FHIT: variants seen among roughly 807,000 people sequenced by gnomAD.
The protein encoded by FHIT is bis(5'-adenosyl)-triphosphatase.
In FHIT, 19 loss-of-function variants were observed where a neutral mutation model predicts 17.9. The ratio of observed to expected loss-of-function variants is 1.06; its 90% CI spans 0.74 to 1.56. FHIT has a LOEUF of 1.56. FHIT is among the 40% of genes most tolerant of loss of function. The pLI is 0.00. For missense variants in FHIT, 248 were observed against 189.2 expected, an observed-to-expected ratio of 1.31 and a Z score of -1.82; for synonymous variants, 81 against 69.7, an observed-to-expected ratio of 1.16 and a Z score of -0.81.
chr3:60,601,381 G>A (rs1553668722), intron 4 of FHIT, among the ~76,000 whole-genome samples: 1 of 152,146 alleles, frequency 6.6e-6, no homozygotes, highest in Non-Finnish European at 1.5e-5. Flanking sequence ...GAGGCCCACA[G>A]ATTCCCCCTG....
At chr3:60,573,075 T>C (rs989594012) in intron 4 of FHIT, among the ~76,000 whole-genome samples, 1 of 152,162 alleles carries the variant, frequency 6.6e-6, no homozygotes, top group African/African-American at 2.4e-5. Context: ...ACCCAGGTCT[T>C]CCCAAGGCCA....
chr3:60,361,668 C>T (rs1406242972), intron 5 of FHIT, among the ~76,000 whole-genome samples: 1 of 152,136 alleles, frequency 6.6e-6, no homozygotes, highest in East Asian at 1.9e-4. Context: ...AAAAGCAATA[C>T]AATATTTCAG....
intron 5 of FHIT, among the ~76,000 whole-genome samples, chr3:60,142,298 T>C (rs549222826): frequency 6.6e-6 from 1 of 152,200 alleles, no homozygotes; most frequent in East Asian, 1.9e-4. Flanking sequence ...GGGAACTGAA[T>C]TGGGTACTGC....
intron 8 of FHIT, among the ~76,000 whole-genome samples, chr3:59,762,363 C>T (rs746187053): frequency 1.3e-5 from 2 of 152,140 alleles, no homozygotes; most frequent in African/African-American, 2.4e-5. Context: ...TGGTCAAATA[C>T]GTCACTAAAT....
chr3:60,363,338 T>C (rs1161862622), intron 5 of FHIT, among the ~76,000 whole-genome samples: 1 of 152,154 alleles, frequency 6.6e-6, no homozygotes, highest in African/African-American at 2.4e-5. Context: ...TTTGTGAATC[T>C]CTGTAGCAAC....
At chr3:61,171,601 C>T (rs546316133) in intron 2 of FHIT, among the ~76,000 whole-genome samples, 4 of 152,154 alleles carry the variant, frequency 2.6e-5, no homozygotes, top group Non-Finnish European at 5.9e-5. Flanking sequence ...AAGCAAAAGA[C>T]ACCACTATTG....
chr3:60,748,638 C>A (rs1221454033), intron 4 of FHIT, among the ~76,000 whole-genome samples: 1 of 152,116 alleles, frequency 6.6e-6, no homozygotes, highest in Admixed American at 6.6e-5. Context: ...ACAGGGAAAG[C>A]ACATCTCTAC....
At chr3:60,935,343 A>ATTCCACTC (rs1708143216) in intron 3 of FHIT, among the ~76,000 whole-genome samples, 1 of 152,240 alleles carries the variant, frequency 6.6e-6, no homozygotes. Flanking sequence ...AACAGACACA[A>ATTCCACTC]TTCCACTCTC....
chr3:60,149,776 C>T lies in FHIT; in HGVS notation c.104-135624G>A, dbSNP rs116529296. Among the ~76,000 whole-genome samples, 724 of 147,784 alleles carry T rather than the reference C, an allele frequency of 4.9e-3. 4 individuals carry two copies. Among genetic ancestry groups the T allele is most frequent in the African/African-American group, 0.018 (703 of 40,024 alleles). ...AAGAGGCACATCTTACTCCCCTATGCCCCTACCCCCCTACCCCCCTACCCA... is the reference window on the plus strand; with the variant it reads ...AAGAGGCACATCTTACTCCCCTATGTCCCTACCCCCCTACCCCCCTACCCA... On this transcript the variant is annotated intron_variant, in intron 5 of 9. Transcript: ENST00000492590.
At chr3:59,764,165 C>T (rs1471353241) in intron 8 of FHIT, among the ~76,000 whole-genome samples, 1 of 152,116 alleles carries the variant, frequency 6.6e-6, no homozygotes, top group East Asian at 1.9e-4. Context: ...AATGAACTTT[C>T]CCCAGAAAAG....
chr3:60,859,576 T>G (rs1703534936), intron 3 of FHIT, among the ~76,000 whole-genome samples: 1 of 151,922 alleles, frequency 6.6e-6, no homozygotes, highest in African/African-American at 2.4e-5. Context: ...TAGACTCTAC[T>G]CCTCACTCTC....
At chr3:60,659,693 CT>C (rs2040196181) in intron 4 of FHIT, among the ~76,000 whole-genome samples, 1 of 151,968 alleles carries the variant, frequency 6.6e-6, no homozygotes, top group African/African-American at 2.4e-5. Flanking sequence ...TTTTCCATAT[CT>C]TTTAGTTTTT....
chr3:60,728,178 T>C (rs1486042168), intron 4 of FHIT, among the ~76,000 whole-genome samples: 5 of 152,222 alleles, frequency 3.3e-5, no homozygotes, highest in Non-Finnish European at 5.9e-5. Context: ...CTATCAACTA[T>C]GTCACATTTC....
chr3:60,031,429 G>C (rs1477204073), intron 5 of FHIT, among the ~76,000 whole-genome samples: 1 of 152,254 alleles, frequency 6.6e-6, no homozygotes, highest in East Asian at 1.9e-4. Context: ...GAACCAACTA[G>C]TAAATGGTAG....
intron 5 of FHIT, among the ~76,000 whole-genome samples, chr3:60,322,998 G>A (rs1015765918): frequency 6.6e-6 from 1 of 152,178 alleles, no homozygotes; most frequent in African/African-American, 2.4e-5. Flanking sequence ...TACAGGAAAT[G>A]TAAGATTCAC....
At chr3:59,847,856 A>G (rs1242408737) in intron 8 of FHIT, among the ~76,000 whole-genome samples, 1 of 152,192 alleles carries the variant, frequency 6.6e-6, no homozygotes, top group African/African-American at 2.4e-5. Context: ...CATGCACAGT[A>G]GCTATCTAAA....
At chr3:60,464,469 T>G (rs1307812346) in intron 5 of FHIT, among the ~76,000 whole-genome samples, 1 of 152,114 alleles carries the variant, frequency 6.6e-6, no homozygotes. Context: ...ACATCATATG[T>G]AACAACATCT....
At chr3:60,129,043 T>C (rs934363670) in intron 5 of FHIT, among the ~76,000 whole-genome samples, 6 of 112,678 alleles carry the variant, frequency 5.3e-5, no homozygotes, top group African/African-American at 2.2e-4. Flanking sequence ...TCTTCTTTCC[T>C]TTTTTGTTTG....
At chr3:60,611,272 G>C (rs1170468523) in intron 4 of FHIT, among the ~76,000 whole-genome samples, 1 of 152,340 alleles carries the variant, frequency 6.6e-6, no homozygotes, top group East Asian at 1.9e-4. Context: ...CAATGAAAAA[G>C]AGGATTAGAT....
Sources: gnomAD v4.1 joint callset for allele counts (sites outside exome capture counted in the v4.1 genomes callset) on GRCh38, gnomAD v4.1.1 for gene constraint, MANE v1.5 for transcripts, NCBI Gene and HGNC (gene_info 2026-07-23, HGNC 2026-07-21) for gene names.